ZC3H7A: variants seen among roughly 807,000 people sequenced by gnomAD.
ZC3H7A encodes zinc finger CCCH domain-containing protein 7A.
A neutral mutation model predicts 125.5 loss-of-function variants in ZC3H7A; 44 were observed. The ratio of observed to expected loss-of-function variants is 0.35; its 90% confidence interval spans 0.28 to 0.45. ZC3H7A has a LOEUF of 0.45. ZC3H7A is among the 20% of genes least tolerant of loss of function. The probability of loss-of-function intolerance (pLI) is 1.00; values close to 1 mark genes in which losing one functional copy is unlikely to be tolerated. For synonymous variants in ZC3H7A, 399 were observed against 391.2 expected (o/e 1.02, Z -0.23); for missense variants, 977 against 1,170.7 (o/e 0.83, Z 2.41).
chr16:11,776,303 AG>A lies in ZC3H7A; in HGVS notation c.585+16del. ...CTTTAAAAAAAAATATAATTTTGAC[AG>A]AAAAAATAACTTTACCTTGGTAGCC... On this transcript the variant is annotated intron_variant, in intron 7 of 22. Transcript: ENST00000355758. 2 of 1,591,464 alleles carry A rather than the reference AG, an allele frequency of 1.3e-6. No homozygotes were observed.
intron 20 of ZC3H7A, among the ~76,000 whole-genome samples, chr16:11,756,988 G>C (rs1343033739): frequency 1.1e-5 from 1 of 90,132 alleles, no homozygotes; most frequent in African/African-American, 5.9e-5. Flanking sequence ...TTATTGCCAA[G>C]TGCTAAAGCT....
In ZC3H7A at chr16:11,776,678, T is replaced by C. The variant is rs1038431461; in HGVS notation, c.465+73A>G. ...AGCAGGTTGATGGATGACTGGAAAA[T>C]TTAACTCTTTAAATGCCATTTATTA... On this transcript the variant is annotated intron_variant, in intron 5 of 22. Coordinates refer to ENST00000355758, the MANE Select transcript of ZC3H7A (RefSeq NM_014153.4). The C allele has an allele frequency of 4.6e-6, 7 of 1,532,826 alleles. No individual in the cohort carries two copies. In the East Asian group the frequency reaches 9.1e-5, roughly 20 times the overall value. 95.0% of individuals were successfully genotyped at this position (1,532,826 alleles called of 1,614,324 possible). A position where few individuals can be genotyped will look rare whatever the true frequency, so the allele number is the denominator to read the frequency against.
At chr16:11,780,379 C>T (rs910727092) in intron 3 of ZC3H7A, among the ~76,000 whole-genome samples, 6 of 152,054 alleles carry the variant, frequency 3.9e-5, no homozygotes, top group African/African-American at 1.2e-4. Flanking sequence ...CTTCAGCCTC[C>T]GAAAATGCTG....
intron 2 of ZC3H7A, among the ~76,000 whole-genome samples, chr16:11,781,717 C>A (rs1483628502): frequency 1.3e-5 from 2 of 151,400 alleles, no homozygotes; most frequent in East Asian, 1.9e-4. Flanking sequence ...TACTTTCAAA[C>A]CTACTTCTAT....
chr16:11,755,155 A>G (rs2052620920), intron 21 of ZC3H7A, among the ~76,000 whole-genome samples: 1 of 151,356 alleles, frequency 6.6e-6, no homozygotes, highest in African/African-American at 2.4e-5. Flanking sequence ...GGTTGCAGTG[A>G]GCCAAGACTA....
At chr16:11,769,710 C>CAAAAAAAA (rs529124830) in intron 10 of ZC3H7A, among the ~76,000 whole-genome samples, 1,367 of 32,466 alleles carry the variant, frequency 0.042, 142 homozygotes, top group Non-Finnish European at 0.048. Flanking sequence ...GACTCTGTCT[C>CAAAAAAAA]AAAAAAAAAA....
chr16:11,797,077 G>C (rs1430637708), intron 1 of ZC3H7A, 47 bp downstream of exon 1: 5 of 142,564 alleles, frequency 3.5e-5, no homozygotes, highest in Non-Finnish European at 7.6e-5. Context: ...GCGGGGGCGC[G>C]GGCGCGCGCG....
In ZC3H7A at chr16:11,774,350, T is replaced by C; in HGVS notation, c.789A>G (p.Gly263=). The C allele has an allele frequency of 6.2e-7, 1 of 1,614,088 alleles. No individual in the cohort carries two copies. Among genetic ancestry groups the C allele is most frequent in the Non-Finnish European group, 8.5e-7 (1 of 1,179,990 alleles). The change falls in exon 9 of 23, where the codon GGA becomes GGG. Residue 263 remains glycine (G), a synonymous_variant. Transcript: ENST00000355758. The part of the protein sequence containing the change: ...SALPSAVLAN[G]GKMPFTMPEA... ...CTGGCATAGTGAAGGGCATCTTTCC[T>C]CCATTTGCCAGCACTGCAGATGGCA...
intron 20 of ZC3H7A, 63 bp downstream of exon 20, chr16:11,758,368 T>C: frequency 8.1e-7 from 1 of 1,237,162 alleles, no homozygotes; most frequent in East Asian, 2.3e-5. Flanking sequence ...CTGGCATATT[T>C]ATAGAGAGGA....
At chr16:11,772,748 G>T (rs1237693988) in intron 9 of ZC3H7A, among the ~76,000 whole-genome samples, 1 of 150,772 alleles carries the variant, frequency 6.6e-6, no homozygotes, top group East Asian at 1.9e-4. Context: ...CCAGGGTGGA[G>T]TGCAGTGGCA....
chr16:11,794,301 G>A (rs961731058), intron 1 of ZC3H7A, among the ~76,000 whole-genome samples: 7 of 151,996 alleles, frequency 4.6e-5, no homozygotes, highest in East Asian at 1.9e-4. Flanking sequence ...AAAGCTTCCC[G>A]CTTTCTATTT....
Position 11,765,444 on chromosome 16 carries a change from T to C in ZC3H7A, c.1719+45A>G. 1 of 1,521,796 alleles carries C rather than the reference T, an allele frequency of 6.6e-7. No individual in the cohort carries two copies. Among genetic ancestry groups the C allele is most frequent in the Non-Finnish European group, 9.0e-7 (1 of 1,115,010 alleles). 94.3% of individuals were successfully genotyped at this position (1,521,796 alleles called of 1,614,324 possible). ...CATGGCAGGACAATACCACTGGGCT[T>C]GCAAATTCAACTTTACAGTGGAAAA... On this transcript the variant is annotated intron_variant, in intron 14 of 22. Transcript: ENST00000355758. The surrounding 1 kb of genome is among the most constrained non-coding windows in gnomAD (Gnocchi z 4.8).
chr16:11,761,298 C>A, intron 19 of ZC3H7A, 108 bp downstream of exon 19: 1 of 1,051,904 alleles, frequency 9.5e-7, no homozygotes, highest in Admixed American at 1.9e-5. Context: ...AGCATTATTA[C>A]TGACGAATAT....
intron 1 of ZC3H7A, among the ~76,000 whole-genome samples, chr16:11,785,617 A>G (rs1484768057): frequency 6.6e-6 from 1 of 151,324 alleles, no homozygotes; most frequent in African/African-American, 2.4e-5. Flanking sequence ...CATATGACCC[A>G]TTTTGTTTTG....
intron 7 of ZC3H7A, chr16:11,775,407 C>T (rs2053063202): frequency 6.2e-6 from 1 of 161,870 alleles, no homozygotes; most frequent in East Asian, 1.8e-4. Flanking sequence ...AAAAACTCAC[C>T]CTAAGAGAAC....
chr16:11,752,901 C>T, intron 21 of ZC3H7A, 69 bp from the exon 22 acceptor site: 1 of 1,548,904 alleles, frequency 6.5e-7, no homozygotes, highest in Non-Finnish European at 8.7e-7. Flanking sequence ...TTCCAGGGAG[C>T]CCAGGCTGGT....
intron 21 of ZC3H7A, among the ~76,000 whole-genome samples, chr16:11,754,848 C>A (rs941919292): frequency 7.6e-6 from 1 of 132,168 alleles, no homozygotes. Flanking sequence ...GCCAAGATCA[C>A]ATCATTGCAC....
In ZC3H7A at chr16:11,765,318, T is replaced by C. The variant is rs1376372376; in HGVS notation, c.1720-165A>G. On this transcript the variant is annotated intron_variant, in intron 14 of 22. Coordinates refer to ENST00000355758, the MANE Select transcript of ZC3H7A (RefSeq NM_014153.4). The surrounding 1 kb of genome is among the most constrained non-coding windows in gnomAD (Gnocchi z 4.8). ...CAACATTTACTGAATGAATGTTTTA[T>C]CACATGGGAGGACCAGAGGAATATT... Among the ~76,000 whole-genome samples the C allele has an allele frequency of 6.6e-6, 1 of 152,218 alleles. No homozygotes were observed.
At chr16:11,755,315 T>C (rs2052624543) in intron 21 of ZC3H7A, among the ~76,000 whole-genome samples, 1 of 152,158 alleles carries the variant, frequency 6.6e-6, no homozygotes, top group Admixed American at 6.5e-5. Flanking sequence ...TATGGGGTTC[T>C]AACTTTATCT....
Sources: allele counts gnomAD v4.1 joint callset (sites outside exome capture counted in the v4.1 genomes callset), GRCh38; gene constraint gnomAD v4.1.1; non-coding constraint Gnocchi (gnomAD v3.1); transcripts MANE v1.5; gene names NCBI Gene and HGNC (gene_info 2026-07-23, HGNC 2026-07-21).